Variants in FBXL7 observed in about 807,000 individuals in gnomAD.
The protein encoded by FBXL7 is F-box/LRR-repeat protein 7.
In FBXL7, 12 loss-of-function variants were observed where a neutral mutation model predicts 38.3. That is an observed-to-expected ratio of 0.31 (90% CI 0.20 to 0.51). The LOEUF (loss-of-function observed/expected upper bound fraction) is 0.51. Among genes scored for constraint, FBXL7 ranks in the 20% least tolerant of loss-of-function variants. The probability of loss-of-function intolerance (pLI) is 0.98; values close to 1 mark genes in which losing one functional copy is unlikely to be tolerated. For missense variants in FBXL7, 567 were observed against 676.4 expected (o/e 0.84, Z 1.79); for synonymous variants, 297 against 300.9 (o/e 0.99, Z 0.13).
intron 2 of FBXL7, among the ~76,000 whole-genome samples, chr5:15,915,745 C>G (rs1741567794): frequency 6.6e-6 from 1 of 152,014 alleles, no homozygotes; most frequent in Non-Finnish European, 1.5e-5. Flanking sequence ...GAAAGTAAAC[C>G]CTGAATGCAG....
intron 2 of FBXL7, among the ~76,000 whole-genome samples, chr5:15,782,928 A>G (rs1286379558): frequency 6.6e-6 from 1 of 152,174 alleles, no homozygotes; most frequent in Non-Finnish European, 1.5e-5. Flanking sequence ...TAGAATGGCC[A>G]GGCCATTTGA....
intron 2 of FBXL7, among the ~76,000 whole-genome samples, chr5:15,872,486 C>G (rs1352150299): frequency 6.6e-6 from 1 of 152,082 alleles, no homozygotes; most frequent in Non-Finnish European, 1.5e-5. Flanking sequence ...CACAGACTGG[C>G]AAATTGGATA....
intron 2 of FBXL7, among the ~76,000 whole-genome samples, chr5:15,819,105 C>T (rs1224599401): frequency 1.3e-5 from 2 of 152,056 alleles, no homozygotes; most frequent in African/African-American, 4.8e-5. Flanking sequence ...TGCAAAGAAC[C>T]AAATAGTAAA....
intron 1 of FBXL7, among the ~76,000 whole-genome samples, chr5:15,599,568 A>G (rs1055003126): frequency 1.3e-5 from 2 of 152,102 alleles, no homozygotes; most frequent in African/African-American, 4.8e-5. Flanking sequence ...GGGCAGAGAG[A>G]AGTGAAGAAT....
At chr5:15,659,453 T>G (rs1360728351) in intron 2 of FBXL7, among the ~76,000 whole-genome samples, 1 of 152,218 alleles carries the variant, frequency 6.6e-6, no homozygotes, top group African/African-American at 2.4e-5. Flanking sequence ...ATGTACAGGC[T>G]TAGGGCCCTG....
rs537063838 is a variant in FBXL7, at chr5:15,906,173, T to G, written c.128-21717T>G. Reference sequence around the variant, plus strand: ...TCCCTCCTGGTTCCAAACCCAGGCATTTTTTTTTAATGATATTGCAAAATT... The same window carrying G: ...TCCCTCCTGGTTCCAAACCCAGGCAGTTTTTTTTAATGATATTGCAAAATT... On this transcript the variant is annotated intron_variant, in intron 2 of 3. Transcript: ENST00000504595. Among the ~76,000 whole-genome samples, 3 of 147,638 alleles carry G rather than the reference T, an allele frequency of 2.0e-5. No individual in the cohort carries two copies. The East Asian group carries it at 5.8e-4, about 29-fold the overall frequency.
intron 2 of FBXL7, among the ~76,000 whole-genome samples, chr5:15,778,383 G>A (rs758745455): frequency 3.9e-5 from 6 of 151,936 alleles, no homozygotes; most frequent in Admixed American, 6.6e-5. Context: ...TGGGGCCTTC[G>A]TTCTCTTCAT....
intron 2 of FBXL7, among the ~76,000 whole-genome samples, chr5:15,767,960 T>C (rs199841949): frequency 6.6e-6 from 1 of 152,246 alleles, no homozygotes; most frequent in East Asian, 1.9e-4. Context: ...TCAAGAAAAA[T>C]TTACTACTTT....
In FBXL7 at chr5:15,673,285, C is replaced by T. The variant is rs146942240; in HGVS notation, c.127+57213C>T. Among the ~76,000 whole-genome samples the T allele has an allele frequency of 2.8e-4, 43 of 151,960 alleles. 2 individuals carry two copies. Among genetic ancestry groups the T allele is most frequent in the Admixed American group, 3.9e-4 (6 of 15,270 alleles). ...GAGCCGAGATCACACTACTACACTC[C>T]AGCCTGGGTGACAAGAGCGAGACTC... is the stretch of plus-strand genomic sequence containing the variant. On this transcript the variant is annotated intron_variant, in intron 2 of 3. Transcript: ENST00000504595.
At chr5:15,876,118 T>C (rs913736141) in intron 2 of FBXL7, among the ~76,000 whole-genome samples, 2 of 152,174 alleles carry the variant, frequency 1.3e-5, no homozygotes, top group African/African-American at 4.8e-5. Flanking sequence ...TGGATGAAGC[T>C]GGAAACCATC....
intron 1 of FBXL7, among the ~76,000 whole-genome samples, chr5:15,507,295 G>C (rs935263059): frequency 6.6e-6 from 1 of 152,156 alleles, no homozygotes; most frequent in Non-Finnish European, 1.5e-5. Context: ...AAAAGCATTA[G>C]TGCAGCTAAC....
rs1741080209 is a variant in FBXL7, at chr5:15,895,717, C to T, written c.128-32173C>T. On this transcript the variant is annotated intron_variant, in intron 2 of 3. Coordinates refer to ENST00000504595, the MANE Select transcript of FBXL7 (RefSeq NM_012304.5). ...GGAGTGCAGTGGCGCAAACTCGGCT[C>T]ACTGCAAACTCTGCCTCCTGGGTTC... Among the ~76,000 whole-genome samples, 2 of 143,520 alleles carry T rather than the reference C, an allele frequency of 1.4e-5. 1 individual carries two copies. Among genetic ancestry groups the T allele is most frequent in the South Asian group, 4.5e-4 (2 of 4,414 alleles). 94.2% of individuals were successfully genotyped at this position (143,520 alleles called of 152,430 possible).
At chr5:15,926,066 A>G (rs189791293) in intron 2 of FBXL7, among the ~76,000 whole-genome samples, 20 of 152,284 alleles carry the variant, frequency 1.3e-4, no homozygotes, top group African/African-American at 4.6e-4. Context: ...TGTTTGGCAG[A>G]TTAGATGTTT....
rs558243836 is a variant in FBXL7, at chr5:15,744,264, G to A, written c.127+128192G>A. Among the ~76,000 whole-genome samples, 26 of 151,914 alleles carry A rather than the reference G, an allele frequency of 1.7e-4. No homozygotes were observed. In the East Asian group the frequency reaches 4.3e-3, roughly 25 times the overall value. Reference sequence around the variant, plus strand: ...TTGTGCTCTGCTTCTTCTTGAACACGTTGCCACTTAGAAATTTCTTCTGCC... The same window carrying A: ...TTGTGCTCTGCTTCTTCTTGAACACATTGCCACTTAGAAATTTCTTCTGCC... On this transcript the variant is annotated intron_variant, in intron 2 of 3. Coordinates refer to ENST00000504595, the MANE Select transcript of FBXL7 (RefSeq NM_012304.5).
chr5:15,640,789 G>A (rs1413202294), intron 2 of FBXL7, among the ~76,000 whole-genome samples: 2 of 152,222 alleles, frequency 1.3e-5, no homozygotes, highest in Non-Finnish European at 2.9e-5. Flanking sequence ...CTCCCAAAGT[G>A]TTGGGATTAC....
chr5:15,744,171 T>G (rs1014665119), intron 2 of FBXL7, among the ~76,000 whole-genome samples: 1 of 152,256 alleles, frequency 6.6e-6, no homozygotes, highest in Non-Finnish European at 1.5e-5. Context: ...GAAGCCAGCT[T>G]AAATTTCTCC....
At chr5:15,802,896 G>A (rs1158460688) in intron 2 of FBXL7, among the ~76,000 whole-genome samples, 2 of 152,046 alleles carry the variant, frequency 1.3e-5, no homozygotes, top group Non-Finnish European at 2.9e-5. Flanking sequence ...CAGGTGATCC[G>A]CCTGCCTCAG....
intron 2 of FBXL7, among the ~76,000 whole-genome samples, chr5:15,914,789 A>T (rs1478669822): frequency 6.6e-6 from 1 of 152,340 alleles, no homozygotes; most frequent in South Asian, 2.1e-4. Context: ...TTGGTGCATT[A>T]GTTGAGCAGC....
At chr5:15,551,859 T>C (rs544337234) in intron 1 of FBXL7, among the ~76,000 whole-genome samples, 1 of 152,368 alleles carries the variant, frequency 6.6e-6, no homozygotes, top group South Asian at 2.1e-4. Context: ...TACTCTTGAC[T>C]TATGTCTCTA....
Sources: gnomAD v4.1 joint callset for allele counts (sites outside exome capture counted in the v4.1 genomes callset) on GRCh38, gnomAD v4.1.1 for gene constraint, MANE v1.5 for transcripts, NCBI Gene and HGNC (gene_info 2026-07-23, HGNC 2026-07-21) for gene names.